ZBED4: variants seen among roughly 807,000 people sequenced by gnomAD.
ZBED4 encodes the protein zinc finger BED-type containing 4.
ZBED4 carries 4 observed loss-of-function variants against 15.5 expected under a neutral mutation model. The ratio of observed to expected loss-of-function variants is 0.26; its 90% CI spans 0.13 to 0.59. ZBED4 has a LOEUF of 0.59. Among genes scored for constraint, ZBED4 ranks in the 20% least tolerant of loss-of-function variants. The pLI, the probability that ZBED4 is intolerant of heterozygous loss-of-function variation, is 0.90. For missense variants in ZBED4, 1,323 were observed against 1,461.8 expected (o/e 0.91, Z 1.55); for synonymous variants, 692 against 608.5 (o/e 1.14, Z -2.02).
chr22:49,877,885 C>T (rs1162997370), intron 1 of ZBED4, among the ~76,000 whole-genome samples: 1 of 152,130 alleles, frequency 6.6e-6, no homozygotes, highest in Non-Finnish European at 1.5e-5. Context: ...GAGATTCATC[C>T]GTGTTGCGTG....
At position 49,886,604 on chromosome 22, in the gene ZBED4, T is replaced by C; in HGVS notation, c.2942T>C (p.Met981Thr). The C allele has an allele frequency of 6.4e-7, 1 of 1,572,164 alleles. No individual in the cohort carries two copies. Among genetic ancestry groups the C allele is most frequent in the Non-Finnish European group, 8.6e-7 (1 of 1,159,170 alleles). ...GAGGAGACGATGGGCATCGACACCA[T>C]GCTGCGCTCTCTGAAGGAGGCCATG... is the stretch of plus-strand genomic sequence containing the variant. The part of the protein sequence containing the change: ...LFEETMGIDT[M>T]LRSLKEAMVS... Residue 981 changes from methionine to threonine, a missense_variant, in exon 2 of 2, where the codon ATG becomes ACG. Around this residue, in one of 6 missense-constraint regions of ZBED4, gnomAD observed 312 missense variants for 410.7 expected, o/e 0.76. Coordinates refer to ENST00000216268, the MANE Select transcript of ZBED4 (RefSeq NM_014838.3). This position sits in a 1 kb window ranked among gnomAD's most constrained non-coding sequence, Gnocchi z 7.7.
rs188573950 is a variant in ZBED4, at chr22:49,868,655, A to T, written c.-330+14666A>T. ...TGATTATAAACCTCCAAGTAAAAAG[A>T]TAAAAATTATAAATGAATTGTGATC... On this transcript the variant is annotated intron_variant, in intron 1 of 1. Coordinates refer to ENST00000216268, the MANE Select transcript of ZBED4 (RefSeq NM_014838.3). Among the ~76,000 whole-genome samples, 9 of 152,320 alleles carry T rather than the reference A, an allele frequency of 5.9e-5. No homozygotes were observed. The East Asian group carries it at 1.7e-3, about 29-fold the overall frequency.
At position 49,884,550 on chromosome 22, in the gene ZBED4, G is replaced by C. The variant is rs983887116; in HGVS notation, c.888G>C (p.Leu296=). 3 of 1,613,526 alleles carry C rather than the reference G, an allele frequency of 1.9e-6. No homozygotes were observed. In the African/African-American group the frequency reaches 4.0e-5, roughly 22 times the overall value. The change falls in exon 2 of 2, where the codon CTG becomes CTC. Residue 296 remains leucine, a synonymous_variant. Transcript: ENST00000216268. Reference sequence around the variant, plus strand: ...CCGCTGTCTGGAAGCACTTCTACCTGTCGCCACTGGACAACTCCAAAGCTG... The same window carrying C: ...CCGCTGTCTGGAAGCACTTCTACCTCTCGCCACTGGACAACTCCAAAGCTG... The part of the protein sequence containing the change: ...RRSAVWKHFY[L]SPLDNSKAVC...
At chr22:49,866,673 C>T (rs1038428935) in intron 1 of ZBED4, among the ~76,000 whole-genome samples, 1 of 152,170 alleles carries the variant, frequency 6.6e-6, no homozygotes, top group Non-Finnish European at 1.5e-5. Flanking sequence ...ATTTCGTTAT[C>T]TGCAGTGATG....
intron 1 of ZBED4, among the ~76,000 whole-genome samples, chr22:49,864,232 G>C (rs889035646): frequency 1.3e-5 from 2 of 152,230 alleles, no homozygotes; most frequent in South Asian, 4.1e-4. Flanking sequence ...TTTCCACTGA[G>C]AGTGCTGGTC....
chr22:49,858,330 G>T lies in ZBED4; in HGVS notation c.-330+4341G>T, dbSNP rs182013433. On this transcript the variant is annotated intron_variant, in intron 1 of 1. Transcript: ENST00000216268. ...CCCCAGAATAGGTGAAGGCTACTCAGGTGTAGCCCCGATGGTAGTTTATGT... is the reference window on the plus strand; with the variant it reads ...CCCCAGAATAGGTGAAGGCTACTCATGTGTAGCCCCGATGGTAGTTTATGT... 3.3e-5 allele frequency among the ~76,000 whole-genome samples: 5 copies of T among 152,356 alleles called. No individual in the cohort carries two copies. The East Asian group carries it at 9.6e-4, about 29-fold the overall frequency.
At chr22:49,871,302 T>G (rs928127237) in intron 1 of ZBED4, among the ~76,000 whole-genome samples, 1 of 151,788 alleles carries the variant, frequency 6.6e-6, no homozygotes, top group Non-Finnish European at 1.5e-5. Context: ...GCCTGGCCAA[T>G]GTGGTGAAAC....
chr22:49,863,171 T>A lies in ZBED4; in HGVS notation c.-330+9182T>A, dbSNP rs1601784431. ...CTCTATCCTTTGGTTTCTTGTAGAT[T>A]GTGTTTGGTTGGTTGGTTGGTTGGT... On this transcript the variant is annotated intron_variant, in intron 1 of 1. Coordinates refer to ENST00000216268, the MANE Select transcript of ZBED4 (RefSeq NM_014838.3). 2.0e-5 allele frequency among the ~76,000 whole-genome samples: 3 copies of A among 152,100 alleles called. No individual in the cohort carries two copies. The South Asian group carries it at 6.2e-4, about 32-fold the overall frequency.
At chr22:49,860,423 G>T (rs1268718379) in intron 1 of ZBED4, among the ~76,000 whole-genome samples, 1 of 152,150 alleles carries the variant, frequency 6.6e-6, no homozygotes, top group African/African-American at 2.4e-5. Flanking sequence ...GTGCTAAAAT[G>T]TGCATACAGT....
intron 1 of ZBED4, among the ~76,000 whole-genome samples, chr22:49,871,128 A>T (rs1010615296): frequency 2.2e-4 from 4 of 18,286 alleles, no homozygotes. Flanking sequence ...TTTAGTAGAG[A>T]TGGGGTTTCA....
chr22:49,884,755 C>T lies in ZBED4; in HGVS notation c.1093C>T (p.Pro365Ser). 6.3e-7 allele frequency: 1 copy of T among 1,595,308 alleles called. No homozygotes were observed. The highest frequency in any genetic ancestry group is 8.6e-7 in the Non-Finnish European group (1 of 1,167,650). Residue 365 changes from proline (P) to serine (S), a missense_variant, in exon 2 of 2, where the codon CCG becomes TCG. Around this residue, in one of 6 missense-constraint regions of ZBED4, gnomAD observed 429 missense variants for 397.9 expected, o/e 1.08. Coordinates refer to ENST00000216268, the MANE Select transcript of ZBED4 (RefSeq NM_014838.3). Reference sequence around the variant, plus strand: ...CACTCTGCTGCCTTCCTTGCTGCCGCCGGAGGGGGAGCTCAGCTCTGTGTC... The same window carrying T: ...CACTCTGCTGCCTTCCTTGCTGCCGTCGGAGGGGGAGCTCAGCTCTGTGTC... ...PPTLLPSLLP[P>S]EGELSSVSSS...
intron 1 of ZBED4, among the ~76,000 whole-genome samples, chr22:49,863,832 G>T (rs1483407161): frequency 6.6e-6 from 1 of 152,204 alleles, no homozygotes; most frequent in Non-Finnish European, 1.5e-5. Flanking sequence ...GAGGCGACCA[G>T]TTAGGGATTT....
rs115601990 is a variant in ZBED4, at chr22:49,886,293, C to T, written c.2631C>T (p.Tyr877=). The stretch of plus-strand genomic sequence containing the variant: ...AACTGGCCGAGCTGCAGAGGGAGTA[C>T]GCGCTGCCTCAGCATCACCTCATCC... ...KEKLAELQRE[Y]ALPQHHLIQD... The change falls in exon 2 of 2, where the codon TAC becomes TAT. Residue 877 remains tyrosine (Y), a synonymous_variant. Coordinates refer to ENST00000216268, the MANE Select transcript of ZBED4 (RefSeq NM_014838.3). The surrounding 1 kb of genome is among the most constrained non-coding windows in gnomAD (Gnocchi z 7.7). 1,628 of 1,487,732 alleles carry T rather than the reference C, an allele frequency of 1.1e-3. 15 individuals carry two copies. In the African/African-American group the frequency reaches 0.02, roughly 18 times the overall value. 92.2% of individuals were successfully genotyped at this position (1,487,732 alleles called of 1,614,324 possible). A position where few individuals can be genotyped will look rare whatever the true frequency, so the allele number is the denominator to read the frequency against.
rs1455319931 is a variant in ZBED4, at chr22:49,887,172, G to A, written c.3510G>A (p.Gln1170=). 1 of 1,607,234 alleles carries A rather than the reference G, an allele frequency of 6.2e-7. No individual in the cohort carries two copies. The highest frequency in any genetic ancestry group is 8.5e-7 in the Non-Finnish European group (1 of 1,175,782). The change falls in exon 2 of 2, where the codon CAG becomes CAA. Residue 1170 remains glutamine (Q), a synonymous_variant. Transcript: ENST00000216268. ...TGAATCTTCCCTTAATATACTTTCA[G>A]TATTGAAACTCACGACGGCACCACT... ...LKVNLPLIYF[Q]Y
intron 1 of ZBED4, among the ~76,000 whole-genome samples, chr22:49,871,918 G>A (rs1412192755): frequency 6.6e-6 from 1 of 151,702 alleles, no homozygotes; most frequent in East Asian, 1.9e-4. Context: ...GCTAATTTTT[G>A]TATTTTTAGT....
intron 1 of ZBED4, among the ~76,000 whole-genome samples, chr22:49,877,415 C>T (rs1054025070): frequency 1.3e-5 from 2 of 152,060 alleles, no homozygotes; most frequent in African/African-American, 4.8e-5. Context: ...CCTCAGCCTC[C>T]CAAGTAGCTA....
rs2060445249 is a variant in ZBED4 at position 49,887,236 on chromosome 22, AC to A, written c.*60del. 1 of 1,542,462 alleles carries A rather than the reference AC, an allele frequency of 6.5e-7. No individual in the cohort carries two copies. The highest frequency in any genetic ancestry group is 1.4e-5 in the African/African-American group (1 of 72,674). ...GGCTGCCCCAGCGTTAGCAGCCTGT[AC>A]CAGGTCTATGACCCGCTCTGCCCAC... On this transcript the variant is annotated 3_prime_UTR_variant, in exon 2 of 2. Transcript: ENST00000216268.
At position 49,888,027 on chromosome 22, in the gene ZBED4, C is replaced by A. The variant is rs2060449355; in HGVS notation, c.*849C>A. 6.0e-6 allele frequency: 1 copy of A among 167,228 alleles called. No homozygotes were observed. 10.4% of individuals were successfully genotyped at this position (167,228 alleles called of 1,614,324 possible). On this transcript the variant is annotated 3_prime_UTR_variant, in exon 2 of 2. Coordinates refer to ENST00000216268, the MANE Select transcript of ZBED4 (RefSeq NM_014838.3). ...TGTCTTTCAAAATGTGTGCACTGACCCCCTTGTTTGATCAAATTTGTGTAA... is the reference window on the plus strand; with the variant it reads ...TGTCTTTCAAAATGTGTGCACTGACACCCTTGTTTGATCAAATTTGTGTAA...
chr22:49,876,026 G>A (rs536915730), intron 1 of ZBED4, among the ~76,000 whole-genome samples: 2 of 147,308 alleles, frequency 1.4e-5, no homozygotes, highest in Admixed American at 6.7e-5. Flanking sequence ...CTTTACTTTT[G>A]TGTGTTTTTT....
Sources: gnomAD v4.1 joint callset for allele counts (sites outside exome capture counted in the v4.1 genomes callset) on GRCh38, gnomAD v4.1.1 for gene constraint, gnomAD v4.1.1 regional missense constraint, Gnocchi (gnomAD v3.1) non-coding constraint, MANE v1.5 for transcripts, NCBI Gene and HGNC (gene_info 2026-07-23, HGNC 2026-07-21) for gene names.